Variants in ZBTB45 observed in about 807,000 individuals in gnomAD.
The protein encoded by ZBTB45 is zinc finger and BTB domain-containing protein 45.
A neutral mutation model predicts 28.4 loss-of-function variants in ZBTB45; 22 were observed. That is an observed-to-expected ratio of 0.77 (90% CI 0.55 to 1.10). The LOEUF (loss-of-function observed/expected upper bound fraction) is 1.10, where lower values mean the gene tolerates loss of function less well. ZBTB45 is among the 50% of genes least tolerant of loss of function. The pLI is 0.00. For synonymous variants in ZBTB45, 361 were observed against 332.3 expected (o/e 1.09, Z -0.94); for missense variants, 656 against 750.2 (o/e 0.87, Z 1.47).
At chr19:58,523,817 C>T (rs1364536125), upstream of ZBTB45, among the ~76,000 whole-genome samples, 10 of 115,088 alleles carry the variant, frequency 8.7e-5, no homozygotes, top group African/African-American at 2.9e-4. Context: ...ACTACAGGCG[C>T]CCGCCACCAG....
Position 58,516,488 on chromosome 19 carries a change from G to C in ZBTB45, c.1186C>G (p.Pro396Ala). The C allele has an allele frequency of 6.2e-7, 1 of 1,613,874 alleles. No individual in the cohort carries two copies. Among genetic ancestry groups the C allele is most frequent in the South Asian group, 1.1e-5 (1 of 91,078 alleles). The change falls in exon 2 of 3, where the codon CCA (proline) becomes GCA (alanine). Residue 396 changes from proline (P) to alanine (A), a missense_variant. Coordinates refer to ENST00000594051, the MANE Select transcript of ZBTB45 (RefSeq NM_001316979.2). The surrounding 1 kb of genome is among the most constrained non-coding windows in gnomAD (Gnocchi z 6.2). ...TCATACGTAGGTGGCTCAGCACCTG[G>C]GGTGCGAGCAGGGGTGCCTGAGGGG... ...TAPSGTPART[P>A]GAEPPTYECS...
chr19:58,516,396 C>G lies in ZBTB45; in HGVS notation c.1278G>C (p.Ser426=). The G allele has an allele frequency of 6.2e-7, 1 of 1,613,952 alleles. No homozygotes were observed. The highest frequency in any genetic ancestry group is 8.5e-7 in the Non-Finnish European group (1 of 1,179,860). ...CTCTCCTCCCCCGCCCTGGCTCACC[C>G]GAGTGGATGAACATGTGCTTGGTGT... The part of the protein sequence containing the change: ...KNYTKHMFIH[S]GEKPHQCAVC... The change falls in exon 2 of 3, where the codon TCG becomes TCC. Residue 426 remains serine, a splice_region_variant and synonymous_variant. Transcript: ENST00000594051. This position sits in a 1 kb window ranked among gnomAD's most constrained non-coding sequence, Gnocchi z 6.2.
intron 1 of ZBTB45, among the ~76,000 whole-genome samples, chr19:58,536,498 C>T (rs2053661113): frequency 6.9e-6 from 1 of 145,552 alleles, no homozygotes; most frequent in South Asian, 2.2e-4. Context: ...CAAAAATTAT[C>T]CGGGCGTGGT....
upstream of ZBTB45, among the ~76,000 whole-genome samples, chr19:58,522,159 CTTTTTTTT>C (rs566701490): frequency 1.5e-5 from 2 of 135,334 alleles, no homozygotes; most frequent in Admixed American, 1.5e-4. Context: ...CCCGTCTCTA[CTTTTTTTT>C]TTTTTTTTTC....
chr19:58,514,334 G>C, intron 2 of ZBTB45, 24 bp from the exon 3 acceptor site: 1 of 1,581,574 alleles, frequency 6.3e-7, no homozygotes, highest in Non-Finnish European at 8.6e-7. Flanking sequence ...GGCGGGCCGC[G>C]AACGCAAGTC....
chr19:58,528,706 A>G (rs563476570), intron 1 of ZBTB45, among the ~76,000 whole-genome samples: 44 of 152,196 alleles, frequency 2.9e-4, no homozygotes, highest in African/African-American at 9.4e-4. Flanking sequence ...CATCCTGGCT[A>G]ATATGGTGAA....
chr19:58,524,343 C>T (rs550709722), upstream of ZBTB45, among the ~76,000 whole-genome samples: 1 of 149,766 alleles, frequency 6.7e-6, no homozygotes, highest in Non-Finnish European at 1.5e-5. Flanking sequence ...TCAGCCTGGG[C>T]GACAAGAGCA....
upstream of ZBTB45, among the ~76,000 whole-genome samples, chr19:58,524,435 A>ATGTGTGTGTGTGTGTG (rs56704623): frequency 2.0e-4 from 27 of 138,346 alleles, 1 homozygote; most frequent in East Asian, 4.3e-4. Context: ...GTGTTCATAT[A>ATGTGTGTGTGTGTGTG]TGTGTGTGTG....
chr19:58,534,970 C>A (rs151087635), intron 1 of ZBTB45, among the ~76,000 whole-genome samples: 9,578 of 152,064 alleles, frequency 0.063, 968 homozygotes, highest in African/African-American at 0.21. Flanking sequence ...ATTCTCATGC[C>A]TCAGCCTCCC....
chr19:58,520,755 G>T (rs1193692107), upstream of ZBTB45, among the ~76,000 whole-genome samples: 1 of 152,146 alleles, frequency 6.6e-6, no homozygotes. Context: ...ACAACAGCCA[G>T]CAAGAAAACA....
Position 58,513,998 on chromosome 19 carries a change from GC to G in ZBTB45, c.*55del. 1 of 1,354,016 alleles carries G rather than the reference GC, an allele frequency of 7.4e-7. No homozygotes were observed. The highest frequency in any genetic ancestry group is 3.0e-5 in the East Asian group (1 of 33,322). The allele number at this position is 1,354,016 out of a possible 1,614,324, so 83.9% of individuals were successfully genotyped here. On this transcript the variant is annotated 3_prime_UTR_variant, in exon 3 of 3. Transcript: ENST00000594051. ...AACCACGGGTCCCGCAGCGGGCGTG[GC>G]CGACTGTGCGGGAGGCCCCGGATCC... is the stretch of plus-strand genomic sequence containing the variant.
chr19:58,524,242 A>G (rs997512395), upstream of ZBTB45, among the ~76,000 whole-genome samples: 1 of 148,520 alleles, frequency 6.7e-6, no homozygotes, highest in South Asian at 2.2e-4. Flanking sequence ...GTGGGCCCCT[A>G]TAATCCCAGC....
intron 1 of ZBTB45, 82 bp from the exon 2 acceptor site, chr19:58,517,755 T>C (rs537744123): frequency 7.3e-7 from 1 of 1,361,710 alleles, no homozygotes; most frequent in South Asian, 1.3e-5. Context: ...TCACCCCTTG[T>C]TGCAGGACAG....
intron 1 of ZBTB45, among the ~76,000 whole-genome samples, chr19:58,532,646 A>G (rs568046060): frequency 6.6e-6 from 1 of 152,156 alleles, no homozygotes; most frequent in Non-Finnish European, 1.5e-5. Context: ...TGCCGGGTTC[A>G]AGCAATTCTC....
chr19:58,532,500 C>T (rs193058628), intron 1 of ZBTB45, among the ~76,000 whole-genome samples: 111 of 152,216 alleles, frequency 7.3e-4, no homozygotes, highest in African/African-American at 2.6e-3. Flanking sequence ...GAGGACTCTC[C>T]TCTTGCTGTG....
At position 58,516,885 on chromosome 19, in the gene ZBTB45, A is replaced by G. The variant is rs2053507808; in HGVS notation, c.789T>C (p.Ala263=). The G allele has an allele frequency of 6.2e-7, 1 of 1,613,212 alleles. No individual in the cohort carries two copies. ...AATCTCTCCCGGCACCACTGTAGTCAGCGAGGCCAGTGGGTGCAGGGGGCT... is the reference window on the plus strand; with the variant it reads ...AATCTCTCCCGGCACCACTGTAGTCGGCGAGGCCAGTGGGTGCAGGGGGCT... The part of the protein sequence containing the change: ...CEEPPAPTGL[A]DYSGAGRDFL... The change falls in exon 2 of 3, where the codon GCT becomes GCC. Residue 263 remains alanine, a synonymous_variant. Transcript: ENST00000594051. The surrounding 1 kb of genome is among the most constrained non-coding windows in gnomAD (Gnocchi z 6.2).
chr19:58,513,883 G>C lies in ZBTB45; in HGVS notation c.*171C>G, dbSNP rs1038473329. ...GGAGGGTTCAAGTACATGGAGGAGA[G>C]GAGTAAGGCGGACTTAGGCCCTGGT... On this transcript the variant is annotated 3_prime_UTR_variant, in exon 3 of 3. Coordinates refer to ENST00000594051, the MANE Select transcript of ZBTB45 (RefSeq NM_001316979.2). The C allele has an allele frequency of 1.0e-5, 8 of 801,110 alleles. No individual in the cohort carries two copies. The highest frequency in any genetic ancestry group is 1.8e-6 in the Non-Finnish European group (1 of 569,858). 49.6% of individuals were successfully genotyped at this position (801,110 alleles called of 1,614,324 possible).
intron 1 of ZBTB45, among the ~76,000 whole-genome samples, chr19:58,528,821 G>A (rs910794610): frequency 2.0e-5 from 3 of 152,032 alleles, no homozygotes; most frequent in Non-Finnish European, 4.4e-5. Context: ...CTGAACTCGA[G>A]AGGCGGAGGT....
At chr19:58,538,735 T>A (rs1298327487) in exon 1 of ZBTB45, 1 of 152,228 alleles carries the variant, frequency 6.6e-6, no homozygotes, top group Non-Finnish European at 1.5e-5. Context: ...ATGGGTTTCA[T>A]GGTTGTTCGC....
Sources: allele counts gnomAD v4.1 joint callset (sites outside exome capture counted in the v4.1 genomes callset), GRCh38; gene constraint gnomAD v4.1.1; non-coding constraint Gnocchi (gnomAD v3.1); transcripts MANE v1.5; gene names NCBI Gene and HGNC (gene_info 2026-07-23, HGNC 2026-07-21).